The following PXDNL variants were observed in gnomAD, a reference collection of about 807,000 sequenced individuals.
The protein encoded by PXDNL is peroxidasin like.
In PXDNL, 145 loss-of-function variants were observed where a neutral mutation model predicts 150.8. The ratio of observed to expected loss-of-function variants is 0.96; its 90% confidence interval spans 0.84 to 1.10. The LOEUF (loss-of-function observed/expected upper bound fraction) is 1.10. Ranked by LOEUF, PXDNL falls within the 50% of genes least tolerant of loss-of-function variation. The pLI, the probability that PXDNL is intolerant of heterozygous loss-of-function variation, is 0.00. For missense variants in PXDNL, 2,087 were observed against 1,873.9 expected, an observed-to-expected ratio of 1.11 and a Z score of -2.10; for synonymous variants, 757 against 725.7, an observed-to-expected ratio of 1.04 and a Z score of -0.69.
chr8:51,474,084 C>T (rs1328891431), intron 7 of PXDNL, among the ~76,000 whole-genome samples: 3 of 151,992 alleles, frequency 2.0e-5, no homozygotes, highest in Non-Finnish European at 4.4e-5. Flanking sequence ...ATTTTCTTGT[C>T]AATTTGAATA....
At chr8:51,382,819 G>T (rs1424300853) in intron 17 of PXDNL, among the ~76,000 whole-genome samples, 1 of 152,132 alleles carries the variant, frequency 6.6e-6, no homozygotes, top group Non-Finnish European at 1.5e-5. Context: ...AACTATAAGA[G>T]TCCAGAAAAA....
At chr8:51,629,313 A>C (rs1814438692) in intron 2 of PXDNL, among the ~76,000 whole-genome samples, 1 of 152,188 alleles carries the variant, frequency 6.6e-6, no homozygotes, top group South Asian at 2.1e-4. Context: ...ACATTTGAGA[A>C]GGCAAAAGAA....
intron 1 of PXDNL, among the ~76,000 whole-genome samples, chr8:51,718,814 T>G (rs976971550): frequency 6.6e-6 from 1 of 152,202 alleles, no homozygotes; most frequent in Non-Finnish European, 1.5e-5. Context: ...ATCATCTGCA[T>G]GAGCTCCTCC....
intron 14 of PXDNL, among the ~76,000 whole-genome samples, chr8:51,418,504 A>G (rs939618887): frequency 1.3e-5 from 2 of 152,202 alleles, no homozygotes; most frequent in African/African-American, 4.8e-5. Flanking sequence ...ATGTTTGTCT[A>G]CCCCATGACA....
intron 4 of PXDNL, among the ~76,000 whole-genome samples, chr8:51,524,695 G>C (rs62506948): frequency 6.6e-6 from 1 of 152,008 alleles, no homozygotes. Flanking sequence ...CTTTCAAAAG[G>C]TATCTTTTGA....
At position 51,540,273 on chromosome 8, in the gene PXDNL, T is replaced by A. The variant is rs188963761; in HGVS notation, c.380+16567A>T. 3.7e-3 allele frequency among the ~76,000 whole-genome samples: 570 copies of A among 152,308 alleles called. 2 individuals carry two copies. Among genetic ancestry groups the A allele is most frequent in the Middle Eastern group, 0.014 (4 of 294 alleles). ...TTTCCTTTCTTTTGCTTACTTTGAATACAATTCTCCATTTTTTGTCCTGAT... is the reference window on the plus strand; with the variant it reads ...TTTCCTTTCTTTTGCTTACTTTGAAAACAATTCTCCATTTTTTGTCCTGAT... On this transcript the variant is annotated intron_variant, in intron 4 of 22. Transcript: ENST00000356297.
intron 10 of PXDNL, among the ~76,000 whole-genome samples, chr8:51,451,666 G>A (rs118026163): frequency 0.01 from 1,563 of 152,064 alleles, 25 homozygotes; most frequent in Middle Eastern, 0.014. Flanking sequence ...TTTTATTTGT[G>A]TTATTTTATT....
intron 16 of PXDNL, among the ~76,000 whole-genome samples, chr8:51,410,662 T>C (rs972405679): frequency 6.6e-6 from 1 of 151,898 alleles, no homozygotes; most frequent in Non-Finnish European, 1.5e-5. Context: ...AAGAATCACA[T>C]TCACTTATTT....
At chr8:51,387,820 G>GTT (rs1180119735) in intron 17 of PXDNL, among the ~76,000 whole-genome samples, 2 of 152,046 alleles carry the variant, frequency 1.3e-5, no homozygotes, top group Non-Finnish European at 2.9e-5. Context: ...GACTGAATGG[G>GTT]TTTTATAACT....
At chr8:51,629,470 G>A (rs1472729380) in intron 2 of PXDNL, among the ~76,000 whole-genome samples, 3 of 151,914 alleles carry the variant, frequency 2.0e-5, no homozygotes, top group African/African-American at 7.3e-5. Flanking sequence ...GAAATCCCAA[G>A]AAAAGAGAGA....
In PXDNL at chr8:51,620,831, C is replaced by A. The variant is rs552390951; in HGVS notation, c.237-28133G>T. 2.4e-3 allele frequency among the ~76,000 whole-genome samples: 361 copies of A among 152,306 alleles called. 2 individuals are homozygous for A. The highest frequency in any genetic ancestry group is 8.2e-3 in the African/African-American group (339 of 41,572). On this transcript the variant is annotated intron_variant, in intron 2 of 22. Coordinates refer to ENST00000356297, the MANE Select transcript of PXDNL (RefSeq NM_144651.5). The stretch of plus-strand genomic sequence containing the variant: ...AAAGTACTAGGATTATAGGCGTGGG[C>A]CACCATGCCTGGCCTTAAATACTTT...
At chr8:51,566,175 A>G (rs7843200) in intron 3 of PXDNL, among the ~76,000 whole-genome samples, 10,789 of 151,912 alleles carry the variant, frequency 0.071, 985 homozygotes, top group African/African-American at 0.22. Flanking sequence ...ATACAATGTT[A>G]GATTTGATTA....
At chr8:51,640,889 A>G (rs1351355534) in intron 2 of PXDNL, among the ~76,000 whole-genome samples, 1 of 152,050 alleles carries the variant, frequency 6.6e-6, no homozygotes, top group Non-Finnish European at 1.5e-5. Flanking sequence ...AAGAGCCCGC[A>G]TCGCCAAGTC....
intron 2 of PXDNL, among the ~76,000 whole-genome samples, chr8:51,604,083 T>C (rs1315359878): frequency 3.9e-5 from 6 of 152,146 alleles, no homozygotes; most frequent in Admixed American, 3.9e-4. Context: ...TTTGTTAAAT[T>C]ATTCAATTCC....
At chr8:51,431,999 T>C (rs1050577183) in intron 12 of PXDNL, among the ~76,000 whole-genome samples, 1 of 152,256 alleles carries the variant, frequency 6.6e-6, no homozygotes, top group Non-Finnish European at 1.5e-5. Context: ...CAAATTTTAA[T>C]GTAGATAAGA....
chr8:51,590,338 G>A (rs1166544860), intron 3 of PXDNL, among the ~76,000 whole-genome samples: 3 of 152,108 alleles, frequency 2.0e-5, no homozygotes, highest in Non-Finnish European at 2.9e-5. Flanking sequence ...GTGCTCACTA[G>A]GGCAAAGCCT....
intron 19 of PXDNL, among the ~76,000 whole-genome samples, chr8:51,371,082 A>G (rs116259444): frequency 0.012 from 1,809 of 152,316 alleles, 27 homozygotes; most frequent in African/African-American, 0.04. Context: ...GTCCAGAGGA[A>G]CTGCAAATAT....
At chr8:51,374,387 G>A (rs1310570499) in intron 18 of PXDNL, among the ~76,000 whole-genome samples, 1 of 152,082 alleles carries the variant, frequency 6.6e-6, no homozygotes, top group Non-Finnish European at 1.5e-5. Flanking sequence ...GAGAAATTCT[G>A]TTTCTTCTCT....
intron 1 of PXDNL, among the ~76,000 whole-genome samples, chr8:51,681,917 C>A (rs537282713): frequency 1.3e-5 from 2 of 152,106 alleles, no homozygotes; most frequent in Non-Finnish European, 2.9e-5. Flanking sequence ...ATACAAATGA[C>A]AGCAGATAGG....
Sources: gnomAD v4.1 joint callset for allele counts (sites outside exome capture counted in the v4.1 genomes callset) on GRCh38, gnomAD v4.1.1 for gene constraint, MANE v1.5 for transcripts, NCBI Gene and HGNC (gene_info 2026-07-23, HGNC 2026-07-21) for gene names.